The following KBTBD12 variants were observed in gnomAD, a reference collection of about 807,000 sequenced individuals.
The protein encoded by KBTBD12 is kelch repeat and BTB domain containing 12.
KBTBD12 carries 53 observed loss-of-function variants against 58.7 expected under a neutral mutation model. The observed-to-expected ratio is 0.90, with a 90% CI of 0.72 to 1.14. KBTBD12 has a LOEUF of 1.14. Ranked by LOEUF, KBTBD12 falls within the 50% of genes most tolerant of loss-of-function variation. The pLI is 0.00. For synonymous variants in KBTBD12, 236 were observed against 259.8 expected, an observed-to-expected ratio of 0.91 and a Z score of 0.88; for missense variants, 704 against 751.3, an observed-to-expected ratio of 0.94 and a Z score of 0.74.
At position 127,927,963 on chromosome 3, in the gene KBTBD12, C is replaced by T. The variant is rs758950929; in HGVS notation, c.1270C>T (p.Leu424=). The change falls in exon 3 of 6, where the codon CTG becomes TTG. Residue 424 remains leucine (L), a synonymous_variant. Coordinates refer to ENST00000405109, the MANE Select transcript of KBTBD12 (RefSeq NM_207335.4). Reference sequence around the variant, plus strand: ...TTGGAAAAGGGTGTCTCCCCTTCCACTGCAATTGGCATGTCATGCTGTAGT... The same window carrying T: ...TTGGAAAAGGGTGTCTCCCCTTCCATTGCAATTGGCATGTCATGCTGTAGT... ...DNWKRVSPLP[L]QLACHAVVTV... is the part of the protein sequence containing the mutation. 3.1e-6 allele frequency: 5 copies of T among 1,613,144 alleles called. No homozygotes were observed. The African/African-American group carries it at 6.7e-5, about 22-fold the overall frequency.
rs1940462092 is a variant in KBTBD12, at chr3:127,962,473, T to C, written c.1493-716T>C. Among the ~76,000 whole-genome samples the C allele has an allele frequency of 1.3e-5, 2 of 152,230 alleles. 1 individual carries two copies. The highest frequency in any genetic ancestry group is 4.1e-4 in the South Asian group (2 of 4,832). ...TCTCTTTAAGACACCTGTCTTGATG[T>C]CCTCTACTTTATTTATTTGCAAACA... is the stretch of plus-strand genomic sequence containing the variant. On this transcript the variant is annotated intron_variant, in intron 4 of 5. Transcript: ENST00000405109.
intron 5 of KBTBD12, among the ~76,000 whole-genome samples, chr3:127,978,430 A>G (rs1940820197): frequency 6.6e-6 from 1 of 152,200 alleles, no homozygotes; most frequent in South Asian, 2.1e-4. Flanking sequence ...AACTTGAAAT[A>G]CCACCAAATC....
At chr3:127,974,838 G>A (rs1045226338) in intron 5 of KBTBD12, among the ~76,000 whole-genome samples, 1 of 152,128 alleles carries the variant, frequency 6.6e-6, no homozygotes, top group African/African-American at 2.4e-5. Context: ...AATTAGCCGG[G>A]CATGGTGGCG....
At chr3:127,977,093 A>G (rs529569073) in intron 5 of KBTBD12, among the ~76,000 whole-genome samples, 1 of 152,232 alleles carries the variant, frequency 6.6e-6, no homozygotes, top group East Asian at 1.9e-4. Context: ...AATATGCAGT[A>G]TTTGGTTTTC....
rs748406253 is a variant in KBTBD12 at position 127,923,081 on chromosome 3, G to C, written c.20G>C (p.Gly7Ala). MECKIEGKEKYQHSLNL... is the reference protein window; with the variant it reads MECKIEAKEKYQHSLNL... ...TAGATCATGGAGTGCAAGATTGAGG[G>C]AAAAGAAAAATACCAACATAGCTTG... The change falls in exon 2 of 6, where the codon GGA becomes GCA. Residue 7 changes from glycine to alanine, a missense_variant. Coordinates refer to ENST00000405109, the MANE Select transcript of KBTBD12 (RefSeq NM_207335.4). 7 of 1,606,434 alleles carry C rather than the reference G, an allele frequency of 4.4e-6. No individual in the cohort carries two copies. The East Asian group carries it at 1.6e-4, about 36-fold the overall frequency.
chr3:127,963,457 CA>C (rs981206870), intron 5 of KBTBD12, 71 bp downstream of exon 5: 3 of 1,347,382 alleles, frequency 2.2e-6, no homozygotes, highest in Middle Eastern at 1.9e-4. Context: ...CTGATCCAAT[CA>C]CCACTAATAT....
chr3:127,920,312 A>G (rs1476237798), intron 1 of KBTBD12, among the ~76,000 whole-genome samples: 1 of 152,064 alleles, frequency 6.6e-6, no homozygotes, highest in Non-Finnish European at 1.5e-5. Flanking sequence ...GGTATGTGGC[A>G]TGTATATTCT....
chr3:127,949,407 T>C (rs937282531), intron 4 of KBTBD12, among the ~76,000 whole-genome samples: 1 of 152,186 alleles, frequency 6.6e-6, no homozygotes, highest in African/African-American at 2.4e-5. Flanking sequence ...TTGGAATTCA[T>C]AATTTATCTC....
chr3:127,981,188 C>T (rs1019712053), intron 5 of KBTBD12, among the ~76,000 whole-genome samples: 2 of 152,156 alleles, frequency 1.3e-5, no homozygotes, highest in East Asian at 3.8e-4. Flanking sequence ...TTGTCTGATA[C>T]ACATCCCAGA....
chr3:127,943,181 A>C (rs1374935786), intron 4 of KBTBD12, among the ~76,000 whole-genome samples: 1 of 152,076 alleles, frequency 6.6e-6, no homozygotes, highest in Non-Finnish European at 1.5e-5. Context: ...TGAGGTACTG[A>C]TTTCATTTCC....
chr3:127,919,252 TAACTTA>T (rs1469689500), intron 1 of KBTBD12, among the ~76,000 whole-genome samples: 1 of 151,762 alleles, frequency 6.6e-6, no homozygotes, highest in Non-Finnish European at 1.5e-5. Context: ...AATTTGGAAA[TAACTTA>T]AACAGCCTGT....
intron 1 of KBTBD12, among the ~76,000 whole-genome samples, chr3:127,916,352 G>T (rs1939240581): frequency 6.6e-6 from 1 of 152,160 alleles, no homozygotes; most frequent in African/African-American, 2.4e-5. Context: ...CTCTGCAAGC[G>T]TAGGATTTTA....
chr3:127,979,716 A>G (rs1205533461), intron 5 of KBTBD12, among the ~76,000 whole-genome samples: 2 of 152,254 alleles, frequency 1.3e-5, no homozygotes, highest in Non-Finnish European at 2.9e-5. Flanking sequence ...CAGCACTGGT[A>G]TCAAGGATTT....
In KBTBD12 at chr3:127,921,069, A is replaced by G. The variant is rs1939395230; in HGVS notation, c.-112-1881A>G. Among the ~76,000 whole-genome samples, 4 of 152,258 alleles carry G rather than the reference A, an allele frequency of 2.6e-5. No homozygotes were observed. In the South Asian group the frequency reaches 8.3e-4, roughly 32 times the overall value. On this transcript the variant is annotated intron_variant, in intron 1 of 5. Transcript: ENST00000405109. ...TGTACCCAAATATTTTTATTATTTG[A>G]AAAATATATAGATATATCCTGCTTC...
intron 4 of KBTBD12, among the ~76,000 whole-genome samples, chr3:127,958,688 CA>C (rs1940368650): frequency 6.6e-6 from 1 of 152,144 alleles, no homozygotes; most frequent in South Asian, 2.1e-4. Context: ...CAAAATGAAG[CA>C]AAATCAAGCT....
chr3:127,934,265 A>C (rs935550778), intron 4 of KBTBD12, among the ~76,000 whole-genome samples: 3 of 152,208 alleles, frequency 2.0e-5, no homozygotes, highest in Non-Finnish European at 4.4e-5. Context: ...AATTATCTAA[A>C]AGAACCAGTG....
At chr3:127,921,644 G>A (rs1388521982) in intron 1 of KBTBD12, among the ~76,000 whole-genome samples, 1 of 152,092 alleles carries the variant, frequency 6.6e-6, no homozygotes, top group Non-Finnish European at 1.5e-5. Flanking sequence ...GTAGCTTTCA[G>A]GAGTTGTATG....
intron 5 of KBTBD12, among the ~76,000 whole-genome samples, chr3:127,982,663 G>C (rs1940892614): frequency 6.6e-6 from 1 of 152,188 alleles, no homozygotes; most frequent in African/African-American, 2.4e-5. Context: ...AGAAAATGCA[G>C]GGTATTTGCC....
chr3:127,972,902 T>C (rs544127160), intron 5 of KBTBD12, among the ~76,000 whole-genome samples: 2 of 152,304 alleles, frequency 1.3e-5, no homozygotes, highest in African/African-American at 4.8e-5. Context: ...ATTTGTATAA[T>C]AGTTGGTTCA....
Sources: gnomAD v4.1 joint callset for allele counts (sites outside exome capture counted in the v4.1 genomes callset) on GRCh38, gnomAD v4.1.1 for gene constraint, MANE v1.5 for transcripts, NCBI Gene and HGNC (gene_info 2026-07-23, HGNC 2026-07-21) for gene names.